BMPR1B: variants seen among roughly 807,000 people sequenced by gnomAD.
The protein encoded by BMPR1B is bone morphogenetic protein receptor type-1B.
BMPR1B carries 12 observed loss-of-function variants against 59.1 expected under a neutral mutation model. The observed-to-expected ratio is 0.20, with a 90% CI of 0.13 to 0.33. BMPR1B has a LOEUF of 0.33. Among genes scored for constraint, BMPR1B ranks in the 10% least tolerant of loss-of-function variants. The pLI is 1.00. For missense variants in BMPR1B, 550 were observed against 610.9 expected, an observed-to-expected ratio of 0.90 and a Z score of 1.05; for synonymous variants, 237 against 207.3, an observed-to-expected ratio of 1.14 and a Z score of -1.23.
intron 2 of BMPR1B, among the ~76,000 whole-genome samples, chr4:94,879,909 A>G (rs979472997): frequency 9.2e-5 from 14 of 152,208 alleles, no homozygotes; most frequent in Non-Finnish European, 1.8e-4. Flanking sequence ...AACCAACCAT[A>G]TGGATCGTTT....
intron 2 of BMPR1B, among the ~76,000 whole-genome samples, chr4:94,927,186 T>G (rs537383555): frequency 4.1e-4 from 62 of 152,228 alleles, no homozygotes; most frequent in African/African-American, 1.5e-3. Context: ...ATGAATTGAT[T>G]TGGCTTCAAA....
At chr4:95,012,349 G>T (rs563418858) in intron 3 of BMPR1B, among the ~76,000 whole-genome samples, 2 of 152,218 alleles carry the variant, frequency 1.3e-5, no homozygotes, top group South Asian at 4.1e-4. Flanking sequence ...AACTAAGCAG[G>T]TTTCTGTCTA....
intron 2 of BMPR1B, among the ~76,000 whole-genome samples, chr4:94,957,430 T>C (rs1334645294): frequency 6.6e-6 from 1 of 151,572 alleles, no homozygotes; most frequent in Non-Finnish European, 1.5e-5. Context: ...TGTCTTTTCA[T>C]TTTCTTATAA....
intron 1 of BMPR1B, among the ~76,000 whole-genome samples, chr4:94,783,595 T>A (rs1174586778): frequency 6.6e-6 from 1 of 152,216 alleles, no homozygotes; most frequent in Non-Finnish European, 1.5e-5. Context: ...GTAGCCTGTT[T>A]CTCTTGGAGT....
At chr4:94,935,974 A>T (rs1317609706) in intron 2 of BMPR1B, among the ~76,000 whole-genome samples, 5 of 151,818 alleles carry the variant, frequency 3.3e-5, no homozygotes, top group African/African-American at 9.7e-5. Flanking sequence ...CCTTGGATTA[A>T]TTTTTTTTCC....
chr4:94,896,191 A>C (rs957488684), intron 2 of BMPR1B, among the ~76,000 whole-genome samples: 1 of 151,964 alleles, frequency 6.6e-6, no homozygotes, highest in Non-Finnish European at 1.5e-5. Flanking sequence ...AGTTTGAAAA[A>C]AGTTTATCCT....
chr4:94,855,297 T>C (rs574090642), intron 1 of BMPR1B, among the ~76,000 whole-genome samples: 8 of 152,338 alleles, frequency 5.3e-5, no homozygotes, highest in African/African-American at 1.9e-4. Flanking sequence ...ATTATTAATA[T>C]CTTCATTTGA....
At chr4:94,986,644 A>T (rs1329155093) in intron 2 of BMPR1B, among the ~76,000 whole-genome samples, 2 of 152,178 alleles carry the variant, frequency 1.3e-5, no homozygotes, top group African/African-American at 2.4e-5. Context: ...CACATTTTAT[A>T]TGTGAACCAA....
At chr4:95,130,605 T>C (rs904096886) in intron 9 of BMPR1B, among the ~76,000 whole-genome samples, 22 of 152,174 alleles carry the variant, frequency 1.4e-4, no homozygotes, top group South Asian at 2.1e-4. Flanking sequence ...CCATAGTAGT[T>C]TGTAATACCA....
intron 3 of BMPR1B, among the ~76,000 whole-genome samples, chr4:95,039,771 T>G (rs894841869): frequency 2.0e-5 from 3 of 152,028 alleles, no homozygotes; most frequent in African/African-American, 7.2e-5. Context: ...TTTTTGCAAT[T>G]TTTTTTAGCT....
rs377158946 is a variant in BMPR1B, at chr4:95,145,888, G to GT, written c.1077-2859dup. ...ATTCTATTTATCCTTCTAGAAATTG[G>GT]TAAGATCTCATTTTATGGCCCATGC... is the stretch of plus-strand genomic sequence containing the variant. On this transcript the variant is annotated intron_variant, in intron 10 of 12. Transcript: ENST00000515059. 1.1e-4 allele frequency among the ~76,000 whole-genome samples: 16 copies of GT among 152,300 alleles called. No individual in the cohort carries two copies. The East Asian group carries it at 3.1e-3, about 29-fold the overall frequency.
At chr4:95,026,500 T>C (rs1352780742) in intron 3 of BMPR1B, among the ~76,000 whole-genome samples, 1 of 152,070 alleles carries the variant, frequency 6.6e-6, no homozygotes, top group Non-Finnish European at 1.5e-5. Flanking sequence ...TGAAAAAAAG[T>C]GCTTTAATAT....
chr4:94,768,427 G>A (rs75464415), intron 1 of BMPR1B, among the ~76,000 whole-genome samples: 2,511 of 152,100 alleles, frequency 0.017, 19 homozygotes, highest in Middle Eastern at 0.027. Context: ...GAATTGCAGC[G>A]ATTTTCCCCC....
intron 2 of BMPR1B, among the ~76,000 whole-genome samples, chr4:94,935,609 G>A (rs1007123095): frequency 1.3e-5 from 2 of 152,226 alleles, no homozygotes; most frequent in Non-Finnish European, 2.9e-5. Flanking sequence ...TTGTATGTGT[G>A]TGAGGTGGTG....
Position 94,803,100 on chromosome 4 carries a change from C to T in BMPR1B, c.-183+45032C>T, listed in dbSNP as rs1367279824. 2.0e-5 allele frequency among the ~76,000 whole-genome samples: 3 copies of T among 152,138 alleles called. No homozygotes were observed. The East Asian group carries it at 5.8e-4, about 29-fold the overall frequency. ...ATGGTCAGTTCTTCTTCATTTCTCT[C>T]ATTGAGTACCCCCTGGCTGATTCCA... On this transcript the variant is annotated intron_variant, in intron 1 of 12. Coordinates refer to ENST00000515059, the MANE Select transcript of BMPR1B (RefSeq NM_001203.3).
In BMPR1B at chr4:94,902,048, TG is replaced by T. The variant is rs1222504736; in HGVS notation, c.-113+26149del. On this transcript the variant is annotated intron_variant, in intron 2 of 12. Coordinates refer to ENST00000515059, the MANE Select transcript of BMPR1B (RefSeq NM_001203.3). ...TAAGAGGGCTCTGCAGACTGCATGG[TG>T]TGTGTGTGTGTGTGTGTGTGTGTGT... 1.3e-4 allele frequency among the ~76,000 whole-genome samples: 5 copies of T among 37,148 alleles called. No homozygotes were observed. The East Asian group carries it at 0.022, about 160-fold the overall frequency. 24.4% of individuals were successfully genotyped at this position (37,148 alleles called of 152,430 possible). A position where few individuals can be genotyped will look rare whatever the true frequency, so the allele number is the denominator to read the frequency against.
Position 94,970,239 on chromosome 4 carries a change from TTCTTCTCTTCTCTTCTCTTCTCTTC to T in BMPR1B, c.-112-25759_-112-25735del, listed in dbSNP as rs10591546. 1.4e-3 allele frequency among the ~76,000 whole-genome samples: 179 copies of T among 127,436 alleles called. 3 individuals are homozygous for T. Among genetic ancestry groups the T allele is most frequent in the Middle Eastern group, 4.3e-3 (1 of 230 alleles). The allele number at this position is 127,436 out of a possible 152,430, so 83.6% of individuals were successfully genotyped here. On this transcript the variant is annotated intron_variant, in intron 2 of 12. Coordinates refer to ENST00000515059, the MANE Select transcript of BMPR1B (RefSeq NM_001203.3). Reference sequence around the variant, plus strand: ...AAGATCTTACTTCAGCTGTTTGTTTTTCTTCTCTTCTCTTCTCTTCTCTTCTCTTCTCTTCTCTTCTCTTCTCTTC... The same window carrying T: ...AAGATCTTACTTCAGCTGTTTGTTTTTCTTCTCTTCTCTTCTCTTCTCTTC...
At chr4:95,052,872 G>A (rs1407726452) in intron 3 of BMPR1B, among the ~76,000 whole-genome samples, 1 of 152,038 alleles carries the variant, frequency 6.6e-6, no homozygotes. Context: ...ATTGTTGTAG[G>A]GAGAATAGAA....
intron 3 of BMPR1B, among the ~76,000 whole-genome samples, chr4:95,047,082 A>G (rs1313888617): frequency 6.6e-6 from 1 of 152,220 alleles, no homozygotes; most frequent in Non-Finnish European, 1.5e-5. Flanking sequence ...TAATTGATTT[A>G]GAAAATTTCC....
Sources: allele counts gnomAD v4.1 joint callset (sites outside exome capture counted in the v4.1 genomes callset), GRCh38; gene constraint gnomAD v4.1.1; transcripts MANE v1.5; gene names NCBI Gene and HGNC (gene_info 2026-07-23, HGNC 2026-07-21).